The following TMEM129 variants were observed in gnomAD, a reference collection of about 807,000 sequenced individuals.
TMEM129 encodes the protein E3 ubiquitin-protein ligase TM129.
In TMEM129, 35 loss-of-function variants were observed where a neutral mutation model predicts 34.1. The ratio of observed to expected loss-of-function variants is 1.03; its 90% CI spans 0.78 to 1.36. The LOEUF is 1.36. Ranked by LOEUF, TMEM129 falls within the 40% of genes most tolerant of loss-of-function variation. TMEM129 has a pLI of 0.00. For missense variants in TMEM129, 504 were observed against 512.6 expected, an observed-to-expected ratio of 0.98 and a Z score of 0.16; for synonymous variants, 239 against 217.3, an observed-to-expected ratio of 1.10 and a Z score of -0.88.
chr4:1,718,282 G>A lies in TMEM129; in HGVS notation c.550C>T (p.Gln184Ter), dbSNP rs1193889392. The change falls in exon 2 of 4, where the codon CAG becomes TAG. Residue 184 changes from glutamine (Q) to a stop codon, truncating the protein, a stop_gained. Transcript: ENST00000382936. LOFTEE classifies it high-confidence loss of function. ...GTCACAGTCAGGTGCACGTCCTGCT[G>A]CTGGGCCACGTGCACTCGGTAGGTG... ...VTTYRVHVAQ[Q>*]QDVHLTVTES... 1 of 1,612,812 alleles carries A rather than the reference G, an allele frequency of 6.2e-7. No individual in the cohort carries two copies. Among genetic ancestry groups the A allele is most frequent in the Non-Finnish European group, 8.5e-7 (1 of 1,179,662 alleles).
chr4:1,718,660 G>A, intron 1 of TMEM129, 34 bp from the exon 2 acceptor site: 4 of 1,438,626 alleles, frequency 2.8e-6, no homozygotes, highest in Non-Finnish European at 3.6e-6. Flanking sequence ...AGGGGAAAGT[G>A]AGTGGCAGGC....
chr4:1,716,112 C>T lies in TMEM129; in HGVS notation c.*1068G>A, dbSNP rs1403342603. ...TTCAAAGCTAGGCCTGGCTCCCGGCCATGGCCCCTGCTGCCTTCACCTGCT... is the reference window on the plus strand; with the variant it reads ...TTCAAAGCTAGGCCTGGCTCCCGGCTATGGCCCCTGCTGCCTTCACCTGCT... On this transcript the variant is annotated 3_prime_UTR_variant, in exon 4 of 4. Transcript: ENST00000382936. 3.9e-5 allele frequency: 6 copies of T among 152,278 alleles called. No individual in the cohort carries two copies. The highest frequency in any genetic ancestry group is 1.3e-4 in the Admixed American group (2 of 15,288). The allele number at this position is 152,278 out of a possible 1,614,324, so 9.4% of individuals were successfully genotyped here.
At chr4:1,719,439 T>C (rs1032251686) in intron 1 of TMEM129, among the ~76,000 whole-genome samples, 1 of 152,058 alleles carries the variant, frequency 6.6e-6, no homozygotes, top group Non-Finnish European at 1.5e-5. Context: ...TAGTCCCAGC[T>C]ACTCAGGAGG....
chr4:1,717,058 C>T lies in TMEM129; in HGVS notation c.*122G>A, dbSNP rs959188530. 30 of 1,213,588 alleles carry T rather than the reference C, an allele frequency of 2.5e-5. No individual in the cohort carries two copies. Among genetic ancestry groups the T allele is most frequent in the African/African-American group, 6.2e-5 (4 of 64,206 alleles). 75.2% of individuals were successfully genotyped at this position (1,213,588 alleles called of 1,614,324 possible). A position where few individuals can be genotyped will look rare whatever the true frequency, so the allele number is the denominator to read the frequency against. On this transcript the variant is annotated 3_prime_UTR_variant, in exon 4 of 4. Coordinates refer to ENST00000382936, the MANE Select transcript of TMEM129 (RefSeq NM_001127266.2). ...GCCTTCTGCAGACCCAGGGCAGAGG[C>T]GAGTTGCTCTACATCATGTGCTTTA...
intron 2 of TMEM129, 74 bp from the exon 3 acceptor site, chr4:1,717,749 T>G: frequency 6.9e-7 from 1 of 1,443,250 alleles, no homozygotes; most frequent in Non-Finnish European, 9.1e-7. Context: ...CCCCAAGGAG[T>G]GACAGGGCAG....
Position 1,717,144 on chromosome 4 carries a change from G to C in TMEM129, c.*36C>G. The C allele has an allele frequency of 7.1e-7, 1 of 1,404,914 alleles. No individual in the cohort carries two copies. 87.0% of individuals were successfully genotyped at this position (1,404,914 alleles called of 1,614,324 possible). ...CCCCTTCCCTGCCCTGTGGCTTTGGGGGGAGACACAGAGTCACCTCAAGGC... is the reference window on the plus strand; with the variant it reads ...CCCCTTCCCTGCCCTGTGGCTTTGGCGGGAGACACAGAGTCACCTCAAGGC... On this transcript the variant is annotated 3_prime_UTR_variant, in exon 4 of 4. Coordinates refer to ENST00000382936, the MANE Select transcript of TMEM129 (RefSeq NM_001127266.2).
intron 1 of TMEM129, chr4:1,719,308 C>G (rs979873749): frequency 1.6e-5 from 7 of 444,992 alleles, no homozygotes; most frequent in Non-Finnish European, 3.2e-5. Context: ...AATCCCAGCA[C>G]TTTGGGAAGC....
chr4:1,720,885 C>T lies in TMEM129; in HGVS notation c.-48G>A. 1 of 1,519,556 alleles carries T rather than the reference C, an allele frequency of 6.6e-7. No homozygotes were observed. Among genetic ancestry groups the T allele is most frequent in the East Asian group, 2.6e-5 (1 of 39,164 alleles). The allele number at this position is 1,519,556 out of a possible 1,614,324, so 94.1% of individuals were successfully genotyped here. A position where few individuals can be genotyped will look rare whatever the true frequency, so the allele number is the denominator to read the frequency against. ...CGAGCTAGGCCCCCGCCCCGGCGCG[C>T]GGACGAGGCCGCAGCGCCCAGTCCC... On this transcript the variant is annotated 5_prime_UTR_variant, in exon 1 of 4. Coordinates refer to ENST00000382936, the MANE Select transcript of TMEM129 (RefSeq NM_001127266.2). The surrounding 1 kb of genome is among the most constrained non-coding windows in gnomAD (Gnocchi z 4.4).
In TMEM129 at chr4:1,717,446, G is replaced by A. The variant is rs769899482; in HGVS notation, c.841-18C>T. ...TCCAGCTCCTGCGGGCAGGTGGAGC[G>A]TCACCAGGAGCCCAGGCAGACACCC... On this transcript the variant is annotated intron_variant, in intron 3 of 3. Transcript: ENST00000382936. 2.6e-5 allele frequency: 39 copies of A among 1,505,190 alleles called. No homozygotes were observed. The highest frequency in any genetic ancestry group is 3.8e-5 in the South Asian group (3 of 79,802). 93.2% of individuals were successfully genotyped at this position (1,505,190 alleles called of 1,614,324 possible). A position where few individuals can be genotyped will look rare whatever the true frequency, so the allele number is the denominator to read the frequency against.
At position 1,718,594 on chromosome 4, in the gene TMEM129, C is replaced by A; in HGVS notation, c.238G>T (p.Glu80Ter). 1 of 1,460,026 alleles carries A rather than the reference C, an allele frequency of 6.8e-7. No individual in the cohort carries two copies. The highest frequency in any genetic ancestry group is 9.1e-7 in the Non-Finnish European group (1 of 1,104,926). The allele number at this position is 1,460,026 out of a possible 1,614,324, so 90.4% of individuals were successfully genotyped here. Reference protein sequence around the residue: ...YYVGMCLAASEKRLHALSQAP... With the variant: ...YYVGMCLAAS The stretch of plus-strand genomic sequence containing the variant: ...TGGCTGAGGGCGTGGAGCCGCTTTT[C>A]TGAAGCCGCAAGGCACATGCCCACA... The change falls in exon 2 of 4, where the codon GAA (glutamate) becomes TAA (stop). Residue 80 changes from glutamate to a stop codon, truncating the protein, a stop_gained. Coordinates refer to ENST00000382936, the MANE Select transcript of TMEM129 (RefSeq NM_001127266.2). LOFTEE classifies it high-confidence loss of function.
In TMEM129 at chr4:1,720,874, GC is replaced by G. The variant is rs1250099285; in HGVS notation, c.-38del. ...CGGGAAGCTGTCGAGCTAGGCCCCC[GC>G]CCCGGCGCGCGGACGAGGCCGCAGC... is the stretch of plus-strand genomic sequence containing the variant. On this transcript the variant is annotated 5_prime_UTR_variant, in exon 1 of 4. Coordinates refer to ENST00000382936, the MANE Select transcript of TMEM129 (RefSeq NM_001127266.2). This position sits in a 1 kb window ranked among gnomAD's most constrained non-coding sequence, Gnocchi z 4.4. The G allele has an allele frequency of 3.3e-6, 5 of 1,538,390 alleles. No individual in the cohort carries two copies. Among genetic ancestry groups the G allele is most frequent in the Non-Finnish European group, 8.8e-7 (1 of 1,140,680 alleles).
chr4:1,719,343 G>C (rs940306222), intron 1 of TMEM129: 6 of 410,524 alleles, frequency 1.5e-5, no homozygotes, highest in Non-Finnish European at 3.0e-5. Context: ...CACGAGGTCA[G>C]ATCGAGACCA....
Position 1,717,220 on chromosome 4 carries a change from C to A in TMEM129, c.1049G>T (p.Arg350Leu). 6.7e-7 allele frequency: 1 copy of A among 1,495,762 alleles called. No homozygotes were observed. The highest frequency in any genetic ancestry group is 2.1e-5 in the Admixed American group (1 of 48,594). 92.7% of individuals were successfully genotyped at this position (1,495,762 alleles called of 1,614,324 possible). A position where few individuals can be genotyped will look rare whatever the true frequency, so the allele number is the denominator to read the frequency against. The change falls in exon 4 of 4, where the codon CGC becomes CTC. Residue 350 changes from arginine to leucine, a missense_variant. Physicochemically the swap from Arg to Leu is moderately radical, Grantham distance 102. Transcript: ENST00000382936. ...LASRVPCPTC[R>L]ARFCILDVCT... ...CACATCCAGGATGCAGAAGCGTGCG[C>A]GGCAGGTGGGGCAGGGCACGCGGCT...
intron 1 of TMEM129, among the ~76,000 whole-genome samples, chr4:1,719,656 C>A (rs1245326922): frequency 6.6e-6 from 1 of 152,260 alleles, no homozygotes. Flanking sequence ...GTGGCTGCCA[C>A]AATTCACTTG....
chr4:1,718,720 A>G (rs1717118804), intron 1 of TMEM129, 94 bp from the exon 2 acceptor site: 2 of 1,421,832 alleles, frequency 1.4e-6, no homozygotes, highest in African/African-American at 1.4e-5. Flanking sequence ...CCCGGGTTCC[A>G]GGGTCAGCTC....
Position 1,718,350 on chromosome 4 carries a change from C to G in TMEM129, c.482G>C (p.Gly161Ala). The change falls in exon 2 of 4, where the codon GGT becomes GCT. Residue 161 changes from glycine (G) to alanine (A), a missense_variant. Transcript: ENST00000382936. ...RIDKFATGAP[G>A]ARVIVTDTWV... ...CGTGTCTGTCACAATCACACGGGCA[C>G]CTGGTGCACCGGTGGCAAACTTGTC... The G allele has an allele frequency of 6.2e-7, 1 of 1,613,336 alleles. No individual in the cohort carries two copies. The highest frequency in any genetic ancestry group is 8.5e-7 in the Non-Finnish European group (1 of 1,179,876).
chr4:1,717,476 GCACCCACCCATC>G, intron 3 of TMEM129, 28 bp downstream of exon 3: 1 of 1,500,410 alleles, frequency 6.7e-7, no homozygotes, highest in Non-Finnish European at 9.0e-7. Flanking sequence ...ACACCCGTGG[GCACCCACCCATC>G]CACCCGGCCC....
At position 1,717,051 on chromosome 4, in the gene TMEM129, G is replaced by A. The variant is rs1000747859; in HGVS notation, c.*129C>T. 3.4e-6 allele frequency: 4 copies of A among 1,177,328 alleles called. No homozygotes were observed. In the South Asian group the frequency reaches 8.3e-5, roughly 25 times the overall value. 72.9% of individuals were successfully genotyped at this position (1,177,328 alleles called of 1,614,324 possible). A position where few individuals can be genotyped will look rare whatever the true frequency, so the allele number is the denominator to read the frequency against. The stretch of plus-strand genomic sequence containing the variant: ...GTCCTCAGCCTTCTGCAGACCCAGG[G>A]CAGAGGCGAGTTGCTCTACATCATG... On this transcript the variant is annotated 3_prime_UTR_variant, in exon 4 of 4. Transcript: ENST00000382936.
rs1273991594 is a variant in TMEM129, at chr4:1,720,799, C to G, written c.39G>C (p.Leu13=). 3 of 1,595,388 alleles carry G rather than the reference C, an allele frequency of 1.9e-6. No homozygotes were observed. In the Admixed American group the frequency reaches 5.1e-5, roughly 27 times the overall value. Residue 13 remains leucine, a synonymous_variant, in exon 1 of 4, where the codon CTG becomes CTC. Transcript: ENST00000382936. This position sits in a 1 kb window ranked among gnomAD's most constrained non-coding sequence, Gnocchi z 4.4. ...SPEVTFTLAY[L]VFAVCFVFTP... ...TGAACACGAAGCACACGGCGAACACCAGATAGGCGAGAGTGAAGGTCACCT... is the reference window on the plus strand; with the variant it reads ...TGAACACGAAGCACACGGCGAACACGAGATAGGCGAGAGTGAAGGTCACCT...
Sources: gnomAD v4.1 joint callset for allele counts (sites outside exome capture counted in the v4.1 genomes callset) on GRCh38, gnomAD v4.1.1 for gene constraint, Gnocchi (gnomAD v3.1) non-coding constraint, MANE v1.5 for transcripts, NCBI Gene and HGNC (gene_info 2026-07-23, HGNC 2026-07-21) for gene names.